CSMD2: variants seen among roughly 807,000 people sequenced by gnomAD.
CSMD2 encodes the protein CUB and sushi domain-containing protein 2.
In CSMD2, 130 loss-of-function variants were observed where a neutral mutation model predicts 398.5. The observed-to-expected ratio is 0.33, with a 90% CI of 0.28 to 0.38. CSMD2 has a LOEUF of 0.38. CSMD2 is among the 10% of genes least tolerant of loss of function. CSMD2 has a pLI of 1.00. For synonymous variants in CSMD2, 1,828 were observed against 1,908.5 expected (o/e 0.96, Z 1.10); for missense variants, 3,829 against 4,764.9 (o/e 0.80, Z 5.78).
intron 15 of CSMD2, among the ~76,000 whole-genome samples, chr1:33,734,644 G>T (rs907078896): frequency 6.6e-6 from 1 of 151,952 alleles, no homozygotes; most frequent in East Asian, 1.9e-4. Flanking sequence ...AATTAGCCAG[G>T]CATGGTTGCA....
intron 7 of CSMD2, among the ~76,000 whole-genome samples, chr1:33,825,138 A>G (rs1171261415): frequency 8.6e-6 from 1 of 116,552 alleles, no homozygotes; most frequent in Non-Finnish European, 1.7e-5. Context: ...CATCCTCCCC[A>G]TGCCCAAGAA....
At chr1:33,935,269 G>A (rs147021376) in intron 4 of CSMD2, among the ~76,000 whole-genome samples, 1,537 of 152,140 alleles carry the variant, frequency 0.01, 34 homozygotes, top group African/African-American at 0.035. Flanking sequence ...GTGTTTTTCT[G>A]GGGGAGGGGG....
At chr1:33,912,733 T>C (rs1643519785) in intron 5 of CSMD2, among the ~76,000 whole-genome samples, 1 of 152,190 alleles carries the variant, frequency 6.6e-6, no homozygotes, top group Admixed American at 6.5e-5. Context: ...TGACTCACTG[T>C]GGAGTACCTC....
chr1:33,655,197 T>C (rs1486222621), intron 27 of CSMD2, among the ~76,000 whole-genome samples: 1 of 152,006 alleles, frequency 6.6e-6, no homozygotes, highest in Non-Finnish European at 1.5e-5. Context: ...AGGGTGAGAG[T>C]TGTGGAAAGG....
At chr1:33,987,309 A>G (rs554555453) in intron 3 of CSMD2, among the ~76,000 whole-genome samples, 1 of 152,314 alleles carries the variant, frequency 6.6e-6, no homozygotes, top group African/African-American at 2.4e-5. Flanking sequence ...ATGGTATTAC[A>G]CTATTCTATG....
At chr1:33,765,774 A>G (rs980816530) in intron 13 of CSMD2, among the ~76,000 whole-genome samples, 5 of 152,250 alleles carry the variant, frequency 3.3e-5, no homozygotes, top group Non-Finnish European at 5.9e-5. Context: ...TATATCAAAT[A>G]CCACAAAGAA....
At chr1:33,936,037 C>CGAGTGGCCTAGGGAGT in intron 3 of CSMD2, 83 bp from the exon 4 acceptor site, 2 of 1,206,092 alleles carry the variant, frequency 1.7e-6, no homozygotes, top group South Asian at 1.5e-5. Flanking sequence ...TAGCAACTCC[C>CGAGTGGCCTAGGGAGT]TAGGCCACTC....
chr1:34,130,879 T>A (rs1244906867), intron 1 of CSMD2, among the ~76,000 whole-genome samples: 1 of 151,978 alleles, frequency 6.6e-6, no homozygotes, highest in African/African-American at 2.4e-5. Flanking sequence ...TCTCCGCACA[T>A]CCACAGCTTG....
intron 5 of CSMD2, among the ~76,000 whole-genome samples, chr1:33,874,774 C>T (rs1167200415): frequency 1.3e-5 from 2 of 152,256 alleles, no homozygotes; most frequent in Non-Finnish European, 2.9e-5. Context: ...TCTCCCCACA[C>T]TCTGTCATTA....
chr1:33,525,754 G>A (rs766005035), intron 65 of CSMD2, among the ~76,000 whole-genome samples: 26 of 151,948 alleles, frequency 1.7e-4, no homozygotes, highest in African/African-American at 4.6e-4. Context: ...GTGTGATCTC[G>A]GCTCACTGCA....
chr1:33,716,549 G>C, intron 19 of CSMD2, 48 bp from the exon 20 acceptor site: 1 of 1,299,092 alleles, frequency 7.7e-7, no homozygotes, highest in Non-Finnish European at 1.1e-6. Flanking sequence ...GATGGCTGGA[G>C]AACCTCAGCT....
chr1:33,704,715 TG>T lies in CSMD2; in HGVS notation c.3577-4043del, dbSNP rs140655373. ...ATAACATTATGAGCTTTTCTAATTT[TG>T]ACACATCCTCACATTCCTGGAATCA... On this transcript the variant is annotated intron_variant, in intron 22 of 70. Coordinates refer to ENST00000373381, the MANE Select transcript of CSMD2 (RefSeq NM_001281956.2). 5.1e-3 allele frequency among the ~76,000 whole-genome samples: 781 copies of T among 152,354 alleles called. 10 individuals carry two copies. Among genetic ancestry groups the T allele is most frequent in the African/African-American group, 0.018 (750 of 41,588 alleles).
chr1:34,014,156 G>A (rs940147754), intron 3 of CSMD2, among the ~76,000 whole-genome samples: 1 of 152,144 alleles, frequency 6.6e-6, no homozygotes, highest in Non-Finnish European at 1.5e-5. Context: ...TCACCGTTGC[G>A]GCTCTCACCC....
At chr1:34,098,733 AT>A (rs1157251729) in intron 1 of CSMD2, among the ~76,000 whole-genome samples, 1 of 152,178 alleles carries the variant, frequency 6.6e-6, no homozygotes, top group Non-Finnish European at 1.5e-5. Flanking sequence ...GAATTAAGTT[AT>A]CTCCTCGAAT....
chr1:33,541,704 C>T (rs1240441153), intron 58 of CSMD2, among the ~76,000 whole-genome samples: 19 of 152,190 alleles, frequency 1.2e-4, no homozygotes, highest in Admixed American at 8.5e-4. Flanking sequence ...CCTTATGCAC[C>T]GCTGCAACTT....
At position 33,891,210 on chromosome 1, in the gene CSMD2, A is replaced by AC. The variant is rs1553245736; in HGVS notation, c.920+26883_920+26884insG. Among the ~76,000 whole-genome samples, 814 of 151,222 alleles carry AC rather than the reference A, an allele frequency of 5.4e-3. 11 individuals carry two copies. The highest frequency in any genetic ancestry group is 0.019 in the African/African-American group (767 of 41,216). On this transcript the variant is annotated intron_variant, in intron 5 of 70. Coordinates refer to ENST00000373381, the MANE Select transcript of CSMD2 (RefSeq NM_001281956.2). ...ACTCAAACAAATTTACAAGAAAAAA[A>AC]AAACAACCCCATCAAAAAGTGGGCG...
intron 1 of CSMD2, among the ~76,000 whole-genome samples, chr1:34,141,471 G>A (rs1326762729): frequency 1.3e-5 from 2 of 152,148 alleles, no homozygotes; most frequent in East Asian, 1.9e-4. Flanking sequence ...GGGGGTTGAG[G>A]AAACCTCTCC....
chr1:34,014,542 T>C (rs950106910), intron 3 of CSMD2, among the ~76,000 whole-genome samples: 3 of 152,222 alleles, frequency 2.0e-5, no homozygotes, highest in African/African-American at 7.2e-5. Flanking sequence ...CAGTAGGCCA[T>C]GGTGTGGAAT....
intron 52 of CSMD2, among the ~76,000 whole-genome samples, chr1:33,568,857 G>C (rs1434593567): frequency 6.6e-6 from 1 of 152,138 alleles, no homozygotes; most frequent in Non-Finnish European, 1.5e-5. Context: ...TCCAAGAAAG[G>C]TGTGAGAGGA....
Sources: allele counts gnomAD v4.1 joint callset (sites outside exome capture counted in the v4.1 genomes callset), GRCh38; gene constraint gnomAD v4.1.1; transcripts MANE v1.5; gene names NCBI Gene and HGNC (gene_info 2026-07-23, HGNC 2026-07-21).